SCARA3: variants seen among roughly 807,000 people sequenced by gnomAD.
SCARA3 encodes the protein cellular stress response gene protein.
Under a neutral mutation model 47.0 loss-of-function variants are expected in SCARA3, and 39 were observed. The observed-to-expected ratio is 0.83, with a 90% CI of 0.64 to 1.08. SCARA3 has a LOEUF of 1.08. SCARA3 is among the 50% of genes least tolerant of loss of function. SCARA3 has a pLI of 0.00. For synonymous variants in SCARA3, 356 were observed against 334.1 expected (o/e 1.07, Z -0.71); for missense variants, 724 against 792.3 (o/e 0.91, Z 1.04).
At chr8:27,687,994 C>T in the SCARA3 span, among the ~76,000 whole-genome samples, 1 of 151,962 alleles carries the variant, frequency 6.6e-6, no homozygotes, top group South Asian at 2.1e-4. Context: ...CTAGCCTGGG[C>T]GACAAGAGTG....
At chr8:27,688,310 G>A in the SCARA3 span, among the ~76,000 whole-genome samples, 1 of 151,970 alleles carries the variant, frequency 6.6e-6, no homozygotes, top group Non-Finnish European at 1.5e-5. Context: ...TAGATGGTCA[G>A]TGATGACTTA....
the SCARA3 span, among the ~76,000 whole-genome samples, chr8:27,706,570 G>A: frequency 0.076 from 11,540 of 152,186 alleles, 571 homozygotes; most frequent in Non-Finnish European, 0.11. Flanking sequence ...AGGAGAGAAG[G>A]ACACGAGATG....
At chr8:27,692,669 C>T in the SCARA3 span, among the ~76,000 whole-genome samples, 2 of 151,962 alleles carry the variant, frequency 1.3e-5, no homozygotes, top group African/African-American at 2.4e-5. Flanking sequence ...CTTTTTAAGC[C>T]TGATTAAAAA....
At chr8:27,651,731 A>G in intron 3 of SCARA3, 104 bp downstream of exon 3, 1 of 1,456,198 alleles carries the variant, frequency 6.9e-7, no homozygotes, top group East Asian at 2.3e-5. Context: ...TCTGTATCCC[A>G]GGGCCCAGAG....
chr8:27,700,663 T>C, the SCARA3 span, among the ~76,000 whole-genome samples: 1 of 151,320 alleles, frequency 6.6e-6, no homozygotes, highest in Non-Finnish European at 1.5e-5. Flanking sequence ...GCAAGAAAAG[T>C]ATATGAATGA....
the SCARA3 span, chr8:27,702,308 C>T: frequency 6.6e-6 from 1 of 152,260 alleles, no homozygotes; most frequent in Non-Finnish European, 1.5e-5. Context: ...GCTGGCTTTT[C>T]TTCTTCTTCT....
At chr8:27,684,541 C>T in the SCARA3 span, among the ~76,000 whole-genome samples, 1 of 151,884 alleles carries the variant, frequency 6.6e-6, no homozygotes, top group Admixed American at 6.6e-5. Context: ...TAATAATTTG[C>T]TAGGCATTGT....
At chr8:27,659,692 G>A (rs933899308) in intron 5 of SCARA3, among the ~76,000 whole-genome samples, 153 bp downstream of exon 5, 1 of 151,780 alleles carries the variant, frequency 6.6e-6, no homozygotes, top group Non-Finnish European at 1.5e-5. Context: ...TTTAAGAAAT[G>A]TCCTTGCATT....
intron 5 of SCARA3, among the ~76,000 whole-genome samples, chr8:27,669,408 G>A (rs1349771820): frequency 6.6e-6 from 1 of 152,226 alleles, no homozygotes; most frequent in Admixed American, 6.5e-5. Flanking sequence ...TGGCTGTGCT[G>A]GTTCCCTGCA....
At chr8:27,664,150 G>T (rs536790484) in intron 5 of SCARA3, among the ~76,000 whole-genome samples, 1 of 152,188 alleles carries the variant, frequency 6.6e-6, no homozygotes, top group Non-Finnish European at 1.5e-5. Context: ...ACATGGTAAC[G>T]GAAATCTTCC....
intron 5 of SCARA3, among the ~76,000 whole-genome samples, chr8:27,666,603 A>G (rs1457286115): frequency 6.6e-6 from 1 of 152,198 alleles, no homozygotes; most frequent in Admixed American, 6.5e-5. Context: ...CTGGGTCTCA[A>G]ACACTGGGTG....
At chr8:27,682,800 T>G in the SCARA3 span, among the ~76,000 whole-genome samples, 1 of 152,220 alleles carries the variant, frequency 6.6e-6, no homozygotes, top group Non-Finnish European at 1.5e-5. Flanking sequence ...CTTTGTTTTT[T>G]TCTTTAGTTT....
intron 1 of SCARA3, among the ~76,000 whole-genome samples, chr8:27,635,183 A>G (rs1801224444): frequency 6.6e-6 from 1 of 152,160 alleles, no homozygotes; most frequent in Non-Finnish European, 1.5e-5. Flanking sequence ...GAGGTGGAAG[A>G]GGTGGGGCCA....
intron 1 of SCARA3, among the ~76,000 whole-genome samples, chr8:27,648,944 G>C (rs1285028203): frequency 1.3e-5 from 2 of 151,848 alleles, no homozygotes; most frequent in Non-Finnish European, 2.9e-5. Flanking sequence ...GGTAAGGAAA[G>C]GAGGGAGGAA....
chr8:27,688,014 C>T, the SCARA3 span, among the ~76,000 whole-genome samples: 1 of 152,022 alleles, frequency 6.6e-6, no homozygotes, highest in Non-Finnish European at 1.5e-5. Flanking sequence ...GAAACTCCAC[C>T]TCAAAAAAGA....
intron 2 of SCARA3, 58 bp downstream of exon 2, chr8:27,649,858 A>G: frequency 7.0e-7 from 1 of 1,420,956 alleles, no homozygotes; most frequent in Non-Finnish European, 9.8e-7. Context: ...CCCTGTCTCC[A>G]TCCCCAGGCC....
At chr8:27,639,456 G>C (rs913953067) in intron 1 of SCARA3, among the ~76,000 whole-genome samples, 5 of 152,178 alleles carry the variant, frequency 3.3e-5, no homozygotes, top group African/African-American at 1.2e-4. Context: ...GATGGGGTCA[G>C]TGAAGAGGGC....
At chr8:27,665,750 G>A (rs575197037) in intron 5 of SCARA3, among the ~76,000 whole-genome samples, 2 of 152,190 alleles carry the variant, frequency 1.3e-5, no homozygotes, top group Non-Finnish European at 2.9e-5. Flanking sequence ...GTAATTGTGA[G>A]GATCAGTGTT....
chr8:27,646,258 G>A (rs1025195301), intron 1 of SCARA3, among the ~76,000 whole-genome samples: 5 of 152,154 alleles, frequency 3.3e-5, no homozygotes, highest in African/African-American at 4.8e-5. Flanking sequence ...GCTGGCAGCC[G>A]CCACTTCCCT....
Sources: allele counts gnomAD v4.1 joint callset (sites outside exome capture counted in the v4.1 genomes callset), GRCh38; gene constraint gnomAD v4.1.1; transcripts MANE v1.5; gene names NCBI Gene and HGNC (gene_info 2026-07-23, HGNC 2026-07-21).